Variants in TBCD observed in about 807,000 individuals in gnomAD.
TBCD encodes the protein tubulin folding cofactor D, also known as tubulin-specific chaperone D.
A neutral mutation model predicts 169.3 loss-of-function variants in TBCD; 105 were observed. The ratio of observed to expected loss-of-function variants is 0.62; its 90% CI spans 0.53 to 0.73. The LOEUF (loss-of-function observed/expected upper bound fraction) is 0.73, where lower values mean the gene tolerates loss of function less well. Among genes scored for constraint, TBCD ranks in the 30% least tolerant of loss-of-function variants. The pLI is 0.00. For missense variants in TBCD, 1,444 were observed against 1,600.1 expected (o/e 0.90, Z 1.66); for synonymous variants, 700 against 643.9 (o/e 1.09, Z -1.32).
rs1568085113 is a variant in TBCD, at chr17:82,932,644, C to T, written c.3114-14C>T. ...TGCTGGTGTCCAGGGTCTCACAGCT[C>T]CTTCTCCCCTCAGGGTGTCCGTGCC... is the stretch of plus-strand genomic sequence containing the variant. On this transcript the variant is annotated splice_polypyrimidine_tract_variant and intron_variant, in intron 33 of 38. Coordinates refer to ENST00000355528, the MANE Select transcript of TBCD (RefSeq NM_005993.5). 1.2e-6 allele frequency: 2 copies of T among 1,611,526 alleles called. No individual in the cohort carries two copies. The highest frequency in any genetic ancestry group is 2.2e-5 in the East Asian group (1 of 44,858).
At chr17:82,916,107 CCTT>C (rs780351773) in intron 23 of TBCD, among the ~76,000 whole-genome samples, 126 of 152,246 alleles carry the variant, frequency 8.3e-4, no homozygotes, top group Non-Finnish European at 1.4e-3. Context: ...TGCTGCTTCT[CCTT>C]CTTGTTCTGT....
At chr17:82,883,761 G>A (rs1368524690) in intron 14 of TBCD, among the ~76,000 whole-genome samples, 5 of 152,236 alleles carry the variant, frequency 3.3e-5, no homozygotes, top group African/African-American at 1.2e-4. Flanking sequence ...GCCAGTTCTC[G>A]TCCTCCAGGG....
intron 14 of TBCD, among the ~76,000 whole-genome samples, chr17:82,875,649 T>C (rs77166830): frequency 0.12 from 18,596 of 152,210 alleles, 1,478 homozygotes; most frequent in Non-Finnish European, 0.17. Flanking sequence ...GATCTCTTCC[T>C]CGGGGGCAGG....
Position 82,938,110 on chromosome 17 carries a change from C to T in TBCD, c.3343C>T (p.Leu1115=). 2.5e-6 allele frequency: 4 copies of T among 1,612,656 alleles called. No homozygotes were observed. Among genetic ancestry groups the T allele is most frequent in the Non-Finnish European group, 3.4e-6 (4 of 1,179,860 alleles). Residue 1115 remains leucine (L), a synonymous_variant, in exon 36 of 39, where the codon CTG becomes TTG. Transcript: ENST00000355528. ...GAGGCAGGCCCTCCTGCAGCTGTGT[C>T]TGCTCCTCTGCCACCGTTTCCCGCT... The part of the protein sequence containing the change: ...VRRQALLQLC[L]LLCHRFPLIR...
Position 82,903,380 on chromosome 17 carries a change from T to TA in TBCD, c.1731-24dup, listed in dbSNP as rs778849734. On this transcript the variant is annotated intron_variant, in intron 18 of 38. Coordinates refer to ENST00000355528, the MANE Select transcript of TBCD (RefSeq NM_005993.5). The surrounding 1 kb of genome is among the most constrained non-coding windows in gnomAD (Gnocchi z 4.8). Reference sequence around the variant, plus strand: ...GCTAGAATCATAAAATGAAGGCACTTACGACATTCTCTCCTCACTCTCAGG... The same window carrying TA: ...GCTAGAATCATAAAATGAAGGCACTTAACGACATTCTCTCCTCACTCTCAGG... 2.5e-6 allele frequency: 4 copies of TA among 1,585,072 alleles called. No individual in the cohort carries two copies. In the Admixed American group the frequency reaches 5.4e-5, roughly 21 times the overall value.
At chr17:82,753,547 C>T (rs2047231992) in intron 1 of TBCD, among the ~76,000 whole-genome samples, 1 of 150,214 alleles carries the variant, frequency 6.7e-6, no homozygotes, top group Non-Finnish European at 1.5e-5. Flanking sequence ...ACCTCAACCT[C>T]TCAGGTTCAA....
Position 82,832,723 on chromosome 17 carries a change from C to G in TBCD, c.1318+17789C>G. ...TCGGCTCGCCACAGTGCCACAGGAT[C>G]CCTGAAGCAGAACCCCTGAAGGGCT... On this transcript the variant is annotated intron_variant, in intron 13 of 38. Coordinates refer to ENST00000355528, the MANE Select transcript of TBCD (RefSeq NM_005993.5). The surrounding 1 kb of genome is among the most constrained non-coding windows in gnomAD (Gnocchi z 4.9). 1.9e-6 allele frequency: 1 copy of G among 526,900 alleles called. No homozygotes were observed. Among genetic ancestry groups the G allele is most frequent in the Non-Finnish European group, 3.4e-6 (1 of 292,842 alleles). 32.6% of individuals were successfully genotyped at this position (526,900 alleles called of 1,614,324 possible).
chr17:82,766,705 C>G (rs1004086153), intron 4 of TBCD, among the ~76,000 whole-genome samples: 1 of 152,236 alleles, frequency 6.6e-6, no homozygotes, highest in South Asian at 2.1e-4. Context: ...ACTTCCTGAG[C>G]GGGACTCACA....
chr17:82,789,180 G>A lies in TBCD; in HGVS notation c.771+7459G>A, dbSNP rs151191171. Among the ~76,000 whole-genome samples the A allele has an allele frequency of 3.3e-5, 5 of 152,268 alleles. No individual in the cohort carries two copies. In the East Asian group the frequency reaches 7.7e-4, roughly 24 times the overall value. Reference sequence around the variant, plus strand: ...GGTGAAACGAGGTACCCCAGGCCACGCTGGTTCGGTCTCCTCGTGGCGTTA... The same window carrying A: ...GGTGAAACGAGGTACCCCAGGCCACACTGGTTCGGTCTCCTCGTGGCGTTA... On this transcript the variant is annotated intron_variant, in intron 7 of 38. Transcript: ENST00000355528. This position sits in a 1 kb window ranked among gnomAD's most constrained non-coding sequence, Gnocchi z 4.8.
At chr17:82,779,452 T>G (rs924508529) in intron 6 of TBCD, among the ~76,000 whole-genome samples, 2 of 152,212 alleles carry the variant, frequency 1.3e-5, no homozygotes, top group African/African-American at 4.8e-5. Flanking sequence ...AAATAGGGAC[T>G]TCTTTCCCCA....
At chr17:82,940,221 G>A (rs11869557) in intron 37 of TBCD, among the ~76,000 whole-genome samples, 41,447 of 131,186 alleles carry the variant, frequency 0.32, 6,940 homozygotes, top group African/African-American at 0.49. Flanking sequence ...TTGCACGCGC[G>A]CACACACACA....
intron 5 of TBCD, 38 bp from the exon 6 acceptor site, chr17:82,772,414 C>T (rs752504067): frequency 6.2e-7 from 1 of 1,612,010 alleles, no homozygotes; most frequent in South Asian, 1.1e-5. Flanking sequence ...CTGGCGTGTG[C>T]AGGAGTGACC....
At chr17:82,793,374 A>G (rs564005160) in intron 7 of TBCD, among the ~76,000 whole-genome samples, 9 of 152,286 alleles carry the variant, frequency 5.9e-5, no homozygotes, top group Non-Finnish European at 7.4e-5. Flanking sequence ...CGTCCTGTCT[A>G]GGGCAACTGC....
At chr17:82,812,584 C>T (rs973374495) in intron 12 of TBCD, among the ~76,000 whole-genome samples, 6 of 152,266 alleles carry the variant, frequency 3.9e-5, no homozygotes, top group South Asian at 4.1e-4. Context: ...CTCGCTCTGT[C>T]GCCAGGCTGG....
At chr17:82,837,191 C>T (rs1567863314) in intron 13 of TBCD, among the ~76,000 whole-genome samples, 1 of 152,154 alleles carries the variant, frequency 6.6e-6, no homozygotes, top group Non-Finnish European at 1.5e-5. Context: ...TGATGTCAGC[C>T]TGTGAGTTCT....
At chr17:82,942,042 G>A (rs1047214861) in intron 38 of TBCD, 3 of 299,582 alleles carry the variant, frequency 1.0e-5, no homozygotes, top group Non-Finnish European at 1.8e-5. Context: ...GGGAGGAGGA[G>A]AACCATGTCT....
intron 14 of TBCD, among the ~76,000 whole-genome samples, chr17:82,881,318 G>A (rs187939410): frequency 5.2e-4 from 79 of 152,242 alleles, no homozygotes; most frequent in Non-Finnish European, 8.5e-4. Flanking sequence ...CTGGTGATCC[G>A]TGGTTGTTAG....
At position 82,831,894 on chromosome 17, in the gene TBCD, G is replaced by A. The variant is rs894728784; in HGVS notation, c.1318+16960G>A. ...TGTGGAAAGACACGGCCTTGGCAGT[G>A]GGGTTGTGTAAAGCCAGTGTCTCGG... On this transcript the variant is annotated intron_variant, in intron 13 of 38. Coordinates refer to ENST00000355528, the MANE Select transcript of TBCD (RefSeq NM_005993.5). This position sits in a 1 kb window ranked among gnomAD's most constrained non-coding sequence, Gnocchi z 4.6. 2.5e-6 allele frequency: 4 copies of A among 1,614,234 alleles called. No individual in the cohort carries two copies. In the Admixed American group the frequency reaches 5.0e-5, roughly 20 times the overall value.
chr17:82,893,633 G>GT lies in TBCD; in HGVS notation c.1649+2dup. 6.3e-7 allele frequency: 1 copy of GT among 1,599,178 alleles called. No homozygotes were observed. The highest frequency in any genetic ancestry group is 8.5e-7 in the Non-Finnish European group (1 of 1,171,538). Reference sequence around the variant, plus strand: ...GATCCAACTGTTTCCTGGTTATAAGGTAAGTCTTTAATGTATATCACAAAA... The same window carrying GT: ...GATCCAACTGTTTCCTGGTTATAAGGTTAAGTCTTTAATGTATATCACAAAA... On this transcript the variant is annotated splice_donor_variant, in intron 17 of 38. Coordinates refer to ENST00000355528, the MANE Select transcript of TBCD (RefSeq NM_005993.5). LOFTEE classifies it high-confidence loss of function.
Sources: allele counts gnomAD v4.1 joint callset (sites outside exome capture counted in the v4.1 genomes callset), GRCh38; gene constraint gnomAD v4.1.1; non-coding constraint Gnocchi (gnomAD v3.1); transcripts MANE v1.5; gene names NCBI Gene and HGNC (gene_info 2026-07-23, HGNC 2026-07-21).